FHIT: variants seen among roughly 807,000 people sequenced by gnomAD.
The protein encoded by FHIT is bis(5'-adenosyl)-triphosphatase.
FHIT carries 19 observed loss-of-function variants against 17.9 expected under a neutral mutation model. That is an observed-to-expected ratio of 1.06 (90% CI 0.74 to 1.56). FHIT has a LOEUF of 1.56. FHIT is among the 40% of genes most tolerant of loss of function. The probability of loss-of-function intolerance (pLI) is 0.00; values close to 1 mark genes in which losing one functional copy is unlikely to be tolerated. For synonymous variants in FHIT, 81 were observed against 69.7 expected (o/e 1.16, Z -0.81); for missense variants, 248 against 189.2 (o/e 1.31, Z -1.82).
At chr3:60,508,554 T>C (rs896299955) in intron 5 of FHIT, among the ~76,000 whole-genome samples, 5 of 152,192 alleles carry the variant, frequency 3.3e-5, no homozygotes, top group Admixed American at 6.5e-5. Context: ...TTAGACTTCA[T>C]TGGAGAGTTC....
At chr3:60,811,524 T>A (rs2106717219) in intron 4 of FHIT, among the ~76,000 whole-genome samples, 1 of 152,328 alleles carries the variant, frequency 6.6e-6, no homozygotes, top group East Asian at 1.9e-4. Context: ...AGCAGATTTG[T>A]TTCCTGATTT....
At chr3:60,736,259 C>T (rs893012809) in intron 4 of FHIT, among the ~76,000 whole-genome samples, 5 of 152,094 alleles carry the variant, frequency 3.3e-5, no homozygotes, top group Non-Finnish European at 5.9e-5. Context: ...ATAGAGTTAC[C>T]GTGTGACCCA....
At chr3:60,347,903 C>T (rs142849881) in intron 5 of FHIT, among the ~76,000 whole-genome samples, 2,840 of 151,976 alleles carry the variant, frequency 0.019, 82 homozygotes, top group African/African-American at 0.065. Context: ...GGATTACAGG[C>T]GCCCACCACC....
intron 5 of FHIT, among the ~76,000 whole-genome samples, chr3:60,297,907 G>A (rs1365798321): frequency 5.9e-5 from 9 of 152,112 alleles, no homozygotes; most frequent in Admixed American, 2.0e-4. Context: ...CCCAGGCTGT[G>A]AAGTGTGGTT....
At chr3:60,091,490 G>C (rs1703729017) in intron 5 of FHIT, among the ~76,000 whole-genome samples, 1 of 152,172 alleles carries the variant, frequency 6.6e-6, no homozygotes, top group African/African-American at 2.4e-5. Flanking sequence ...ATCTGGCACA[G>C]AACATTCTTC....
At chr3:60,633,777 G>A (rs148269838) in intron 4 of FHIT, among the ~76,000 whole-genome samples, 69 of 152,272 alleles carry the variant, frequency 4.5e-4, no homozygotes, top group African/African-American at 1.6e-3. Flanking sequence ...GAGAAAGCAT[G>A]AGCCCGTACC....
intron 7 of FHIT, among the ~76,000 whole-genome samples, chr3:60,008,419 T>A (rs1281116240): frequency 1.3e-5 from 2 of 152,140 alleles, no homozygotes; most frequent in Non-Finnish European, 2.9e-5. Context: ...ACAAGTGCCT[T>A]ACTGAGTAAG....
intron 2 of FHIT, among the ~76,000 whole-genome samples, chr3:61,116,981 C>A (rs1212635924): frequency 6.6e-6 from 1 of 152,060 alleles, no homozygotes; most frequent in African/African-American, 2.4e-5. Context: ...AGTGATGAAT[C>A]ATAATATCAA....
At chr3:61,230,900 A>AT (rs927020596) in intron 1 of FHIT, among the ~76,000 whole-genome samples, 8 of 152,274 alleles carry the variant, frequency 5.3e-5, no homozygotes, top group South Asian at 2.1e-4. Context: ...ATATTCTGTG[A>AT]TTTTTTTAAA....
intron 5 of FHIT, among the ~76,000 whole-genome samples, chr3:60,081,654 C>T (rs1301899263): frequency 6.6e-6 from 1 of 152,082 alleles, no homozygotes; most frequent in South Asian, 2.1e-4. Context: ...TAAATGTAGG[C>T]TCTTATTTAA....
At chr3:61,201,237 A>G (rs2106677838) in intron 1 of FHIT, among the ~76,000 whole-genome samples, 1 of 152,340 alleles carries the variant, frequency 6.6e-6, no homozygotes, top group Admixed American at 6.5e-5. Flanking sequence ...AAAACAGAGG[A>G]AGCCACAACT....
intron 5 of FHIT, among the ~76,000 whole-genome samples, chr3:60,196,468 T>G (rs951696558): frequency 1.3e-5 from 2 of 152,174 alleles, no homozygotes; most frequent in African/African-American, 4.8e-5. Flanking sequence ...ACATTGGACC[T>G]ACCTGAATAA....
chr3:59,880,407 A>G (rs180984834), intron 8 of FHIT, among the ~76,000 whole-genome samples: 5 of 152,238 alleles, frequency 3.3e-5, no homozygotes, highest in Admixed American at 2.6e-4. Context: ...TATCAGCTTC[A>G]TCGATAGCAG....
At chr3:59,766,396 T>C (rs1701798548) in intron 8 of FHIT, among the ~76,000 whole-genome samples, 1 of 152,232 alleles carries the variant, frequency 6.6e-6, no homozygotes. Context: ...ACTGGAGTTA[T>C]TAACTGGATT....
chr3:60,046,847 C>T (rs771430030), intron 5 of FHIT, among the ~76,000 whole-genome samples: 104 of 152,304 alleles, frequency 6.8e-4, no homozygotes, highest in Middle Eastern at 3.4e-3. Context: ...TACATGGAAC[C>T]TTCTGACTTG....
chr3:60,474,663 A>C (rs2033255751), intron 5 of FHIT, among the ~76,000 whole-genome samples: 1 of 151,564 alleles, frequency 6.6e-6, no homozygotes, highest in African/African-American at 2.4e-5. Context: ...CGCTCTTATC[A>C]CCCAGGCTGG....
At chr3:60,445,251 A>C (rs1224130571) in intron 5 of FHIT, among the ~76,000 whole-genome samples, 1 of 152,150 alleles carries the variant, frequency 6.6e-6, no homozygotes, top group East Asian at 1.9e-4. Flanking sequence ...CTCACAGATG[A>C]TGCCAAATGC....
intron 4 of FHIT, among the ~76,000 whole-genome samples, chr3:60,582,691 C>G (rs2107681945): frequency 1.3e-5 from 2 of 152,098 alleles, no homozygotes; most frequent in Middle Eastern, 3.4e-3. Context: ...TCTGCTAAAA[C>G]TAAAAGGATA....
rs562442516 is a variant in FHIT, at chr3:59,814,708, C to T, written c.349-62387G>A. Among the ~76,000 whole-genome samples the T allele has an allele frequency of 9.2e-5, 14 of 152,196 alleles. No individual in the cohort carries two copies. In the South Asian group the frequency reaches 1.0e-3, roughly 11 times the overall value. ...TATCCTTCAGTATTTATAGAGCATC[C>T]GGCCTGTGCTAGGAGCTTGAAAAGA... On this transcript the variant is annotated intron_variant, in intron 8 of 9. Transcript: ENST00000492590.
Sources: allele counts gnomAD v4.1 joint callset (sites outside exome capture counted in the v4.1 genomes callset), GRCh38; gene constraint gnomAD v4.1.1; transcripts MANE v1.5; gene names NCBI Gene and HGNC (gene_info 2026-07-23, HGNC 2026-07-21).